Variants in CHCHD3 observed in about 807,000 individuals in gnomAD.
CHCHD3 encodes coiled-coil-helix-coiled-coil-helix domain containing 3.
CHCHD3 carries 20 observed loss-of-function variants against 38.2 expected under a neutral mutation model. The ratio of observed to expected loss-of-function variants is 0.52; its 90% CI spans 0.37 to 0.76. CHCHD3 has a LOEUF of 0.76. Ranked by LOEUF, CHCHD3 falls within the 30% of genes least tolerant of loss-of-function variation. CHCHD3 has a pLI of 0.00. For missense variants in CHCHD3, 245 were observed against 279.2 expected (o/e 0.88, Z 0.87); for synonymous variants, 82 against 100.0 (o/e 0.82, Z 1.07).
intron 3 of CHCHD3, among the ~76,000 whole-genome samples, chr7:133,019,105 A>G (rs1029418785): frequency 1.3e-5 from 2 of 149,726 alleles, no homozygotes; most frequent in African/African-American, 4.9e-5. Context: ...CTGGTCTCAA[A>G]CTCCTGACCT....
intron 4 of CHCHD3, among the ~76,000 whole-genome samples, chr7:132,932,617 C>T (rs1810541109): frequency 6.6e-6 from 1 of 152,210 alleles, no homozygotes; most frequent in Admixed American, 6.5e-5. Flanking sequence ...CACACAGGGC[C>T]TTCACGTCAA....
intron 7 of CHCHD3, among the ~76,000 whole-genome samples, chr7:132,786,720 T>C (rs1257630898): frequency 1.3e-5 from 2 of 152,138 alleles, no homozygotes; most frequent in Admixed American, 1.3e-4. Flanking sequence ...ACCACTGCAC[T>C]CAGTTTAGTG....
chr7:132,994,252 T>G (rs974559535), intron 3 of CHCHD3, among the ~76,000 whole-genome samples: 1 of 152,134 alleles, frequency 6.6e-6, no homozygotes, highest in Non-Finnish European at 1.5e-5. Context: ...TAAGAGAAAT[T>G]TGATATAGAG....
chr7:133,022,358 T>G, intron 3 of CHCHD3: 1 of 456,460 alleles, frequency 2.2e-6, no homozygotes, highest in Non-Finnish European at 4.4e-6. Context: ...AGAGGAGCTA[T>G]TTTCTAAAAC....
chr7:133,057,388 C>T (rs1814373335), intron 2 of CHCHD3, among the ~76,000 whole-genome samples: 1 of 151,940 alleles, frequency 6.6e-6, no homozygotes, highest in Non-Finnish European at 1.5e-5. Context: ...ATAGCAAGAT[C>T]CTGTCTCTAC....
chr7:132,960,572 T>C (rs1042089191), intron 4 of CHCHD3, among the ~76,000 whole-genome samples: 1 of 152,200 alleles, frequency 6.6e-6, no homozygotes, highest in Non-Finnish European at 1.5e-5. Context: ...AACTTTCTAA[T>C]GATGCCACTG....
At chr7:132,965,583 T>C (rs574928748) in intron 4 of CHCHD3, among the ~76,000 whole-genome samples, 1 of 152,222 alleles carries the variant, frequency 6.6e-6, no homozygotes, top group African/African-American at 2.4e-5. Flanking sequence ...AGAGCTATGG[T>C]TCCAGGCAAT....
chr7:133,063,552 A>C (rs567794181), intron 2 of CHCHD3, among the ~76,000 whole-genome samples: 6 of 152,192 alleles, frequency 3.9e-5, no homozygotes, highest in Non-Finnish European at 8.8e-5. Flanking sequence ...ACAAACAAAA[A>C]TGCTTATGGG....
chr7:132,982,338 G>A (rs781192958), intron 3 of CHCHD3, among the ~76,000 whole-genome samples: 53 of 152,206 alleles, frequency 3.5e-4, no homozygotes, highest in Non-Finnish European at 6.6e-4. Context: ...AGGCTAGAGT[G>A]CAGTGGTGTG....
chr7:133,036,492 G>T (rs1055528934), intron 2 of CHCHD3, among the ~76,000 whole-genome samples: 1 of 152,120 alleles, frequency 6.6e-6, no homozygotes, highest in Non-Finnish European at 1.5e-5. Context: ...TGTGGGTGTT[G>T]GGGGTATATA....
At chr7:132,856,767 G>C (rs1448100962) in intron 5 of CHCHD3, among the ~76,000 whole-genome samples, 1 of 152,130 alleles carries the variant, frequency 6.6e-6, no homozygotes, top group Admixed American at 6.5e-5. Flanking sequence ...TTGTTTCCCT[G>C]AATTCTTTCT....
intron 5 of CHCHD3, among the ~76,000 whole-genome samples, chr7:132,867,317 T>C (rs1808658098): frequency 6.6e-6 from 1 of 152,180 alleles, no homozygotes; most frequent in African/African-American, 2.4e-5. Context: ...ACAAGGGTAT[T>C]AAATTACATT....
At chr7:132,933,040 C>T (rs1292192128) in intron 4 of CHCHD3, among the ~76,000 whole-genome samples, 1 of 152,174 alleles carries the variant, frequency 6.6e-6, no homozygotes. Flanking sequence ...CAAGGGTCAC[C>T]TTCAGATTCA....
At chr7:132,941,532 C>T (rs1318041762) in intron 4 of CHCHD3, among the ~76,000 whole-genome samples, 1 of 152,180 alleles carries the variant, frequency 6.6e-6, no homozygotes, top group Non-Finnish European at 1.5e-5. Flanking sequence ...TATTTTTATC[C>T]TCCTTTGCAG....
intron 4 of CHCHD3, among the ~76,000 whole-genome samples, chr7:132,954,536 G>C (rs1024016022): frequency 1.3e-5 from 2 of 152,146 alleles, no homozygotes; most frequent in Non-Finnish European, 2.9e-5. Context: ...CAGTGGTTGA[G>C]AGGTGAAGGC....
intron 4 of CHCHD3, among the ~76,000 whole-genome samples, chr7:132,960,329 G>C (rs75468200): frequency 1.3e-5 from 2 of 152,098 alleles, no homozygotes; most frequent in Non-Finnish European, 2.9e-5. Flanking sequence ...CATATGTACA[G>C]TTAGAGATGG....
At chr7:132,791,532 G>C (rs1346309766) in intron 7 of CHCHD3, among the ~76,000 whole-genome samples, 1 of 152,136 alleles carries the variant, frequency 6.6e-6, no homozygotes, top group Non-Finnish European at 1.5e-5. Context: ...TCTGGCAATA[G>C]GTTTTTCTTT....
chr7:132,813,216 G>A (rs574781929), intron 6 of CHCHD3, among the ~76,000 whole-genome samples: 15 of 152,312 alleles, frequency 9.8e-5, no homozygotes, highest in African/African-American at 3.4e-4. Context: ...CAGTGTATAT[G>A]TGGGGGAACA....
At chr7:132,839,259 C>A (rs1160048766) in intron 5 of CHCHD3, among the ~76,000 whole-genome samples, 2 of 151,304 alleles carry the variant, frequency 1.3e-5, no homozygotes, top group Non-Finnish European at 2.9e-5. Context: ...ACCACAAGAA[C>A]AACAACATTT....
Sources: allele counts gnomAD v4.1 joint callset (sites outside exome capture counted in the v4.1 genomes callset), GRCh38; gene constraint gnomAD v4.1.1; transcripts MANE v1.5; gene names NCBI Gene and HGNC (gene_info 2026-07-23, HGNC 2026-07-21).